RBBP8: variants seen among roughly 807,000 people sequenced by gnomAD.
RBBP8 encodes DNA endonuclease RBBP8.
Under a neutral mutation model 108.3 loss-of-function variants are expected in RBBP8, and 88 were observed. The ratio of observed to expected loss-of-function variants is 0.81; its 90% CI spans 0.68 to 0.97. The LOEUF is 0.97. Ranked by LOEUF, RBBP8 falls within the 50% of genes least tolerant of loss-of-function variation. The pLI, the probability that RBBP8 is intolerant of heterozygous loss-of-function variation, is 0.00. For missense variants in RBBP8, 1,023 were observed against 1,049.0 expected (o/e 0.98, Z 0.34); for synonymous variants, 332 against 348.2 (o/e 0.95, Z 0.52).
intron 14 of RBBP8, 75 bp downstream of exon 14, chr18:22,997,809 T>C (rs1035353588): frequency 1.0e-5 from 10 of 996,224 alleles, no homozygotes; most frequent in Non-Finnish European, 1.6e-5. Context: ...TTGCACTGAT[T>C]AGCTCAAGTG....
chr18:22,998,531 G>C (rs2045896801), intron 14 of RBBP8, among the ~76,000 whole-genome samples: 1 of 152,206 alleles, frequency 6.6e-6, no homozygotes, highest in Admixed American at 6.5e-5. Context: ...ACTATGAACA[G>C]TTGTCATTTA....
chr18:23,007,783 A>C (rs993201749), intron 16 of RBBP8, among the ~76,000 whole-genome samples: 3 of 150,124 alleles, frequency 2.0e-5, no homozygotes, highest in African/African-American at 7.3e-5. Context: ...TTGAATCTTT[A>C]AAAACAAAAC....
chr18:22,971,016 A>G (rs1914034015), intron 5 of RBBP8, among the ~76,000 whole-genome samples: 1 of 152,198 alleles, frequency 6.6e-6, no homozygotes, highest in Admixed American at 6.5e-5. Context: ...TAGAATTTGC[A>G]GGCATTCATC....
chr18:22,994,014 CTTT>C (rs777055614), intron 12 of RBBP8, among the ~76,000 whole-genome samples, 167 bp downstream of exon 12: 2 of 75,102 alleles, frequency 2.7e-5, no homozygotes, highest in Non-Finnish European at 4.5e-5. Context: ...TTTTTCTGTT[CTTT>C]TTTTTTTTTT....
chr18:22,954,041 A>G (rs966262802), intron 4 of RBBP8, among the ~76,000 whole-genome samples: 3 of 152,146 alleles, frequency 2.0e-5, no homozygotes, highest in African/African-American at 7.2e-5. Flanking sequence ...CCATGATTCA[A>G]TTACTTCCCA....
intron 4 of RBBP8, among the ~76,000 whole-genome samples, chr18:22,959,874 T>C (rs1418769409): frequency 6.9e-6 from 1 of 145,612 alleles, no homozygotes. Flanking sequence ...AACTTTCTTT[T>C]TTTTTTTTTT....
chr18:23,011,308 C>T (rs2046155322), intron 16 of RBBP8, among the ~76,000 whole-genome samples: 1 of 152,164 alleles, frequency 6.6e-6, no homozygotes, highest in Admixed American at 6.5e-5. Flanking sequence ...ACAAATCTGT[C>T]AGCGGCATTT....
intron 4 of RBBP8, among the ~76,000 whole-genome samples, chr18:22,955,505 G>A (rs1374861785): frequency 6.6e-6 from 1 of 151,984 alleles, no homozygotes; most frequent in Non-Finnish European, 1.5e-5. Flanking sequence ...CATTTTGCAT[G>A]TGAGGAAACT....
At chr18:22,969,043 A>G (rs948116079) in intron 5 of RBBP8, 125 bp downstream of exon 5, 2 of 737,978 alleles carry the variant, frequency 2.7e-6, no homozygotes, top group South Asian at 3.4e-5. Flanking sequence ...TAAAAGTTCA[A>G]ATGTCCTTTT....
intron 3 of RBBP8, among the ~76,000 whole-genome samples, chr18:22,922,513 A>G (rs976552253): frequency 1.3e-5 from 2 of 152,118 alleles, no homozygotes; most frequent in African/African-American, 4.8e-5. Flanking sequence ...CCCAGGCTGG[A>G]GTGAGGTGGC....
intron 16 of RBBP8, among the ~76,000 whole-genome samples, chr18:23,011,996 A>G (rs2046171865): frequency 6.6e-6 from 1 of 151,858 alleles, no homozygotes; most frequent in African/African-American, 2.4e-5. Context: ...TGATGAGCAA[A>G]TCGAGACCAG....
chr18:23,005,953 G>T (rs2046036346), intron 15 of RBBP8, among the ~76,000 whole-genome samples: 1 of 151,902 alleles, frequency 6.6e-6, no homozygotes, highest in South Asian at 2.1e-4. Context: ...TTGGGAGGCC[G>T]AGGCGGGCGG....
At chr18:22,982,558 T>G (rs1045298981) in intron 7 of RBBP8, among the ~76,000 whole-genome samples, 165 bp downstream of exon 7, 4 of 152,234 alleles carry the variant, frequency 2.6e-5, no homozygotes, top group African/African-American at 4.8e-5. Context: ...AGAAGGCGTT[T>G]TCTGCCCGTG....
chr18:22,977,844 T>C (rs1429661221), intron 6 of RBBP8: 1 of 152,180 alleles, frequency 6.6e-6, no homozygotes, highest in Non-Finnish European at 1.5e-5. Flanking sequence ...TTTTGATACA[T>C]GAAGACAGCT....
intron 3 of RBBP8, among the ~76,000 whole-genome samples, chr18:22,924,076 C>T (rs1379083160): frequency 6.8e-6 from 1 of 147,492 alleles, no homozygotes; most frequent in East Asian, 2.0e-4. Flanking sequence ...TTTTAAAGTA[C>T]TTTTAGTTAC....
chr18:22,991,053 A>C lies in RBBP8; in HGVS notation c.920+4A>C, dbSNP rs761558041. On this transcript the variant is annotated splice_donor_region_variant and intron_variant, in intron 10 of 18. Transcript: ENST00000327155. ...GAAATACTGAAGATAGTTTAAGGTA[A>C]TTAAGGGCACGTTGGTGAAAACTGA... 7 of 1,591,446 alleles carry C rather than the reference A, an allele frequency of 4.4e-6. No individual in the cohort carries two copies. The highest frequency in any genetic ancestry group is 6.0e-6 in the Non-Finnish European group (7 of 1,160,558).
intron 16 of RBBP8, among the ~76,000 whole-genome samples, chr18:23,007,631 G>C (rs1317815625): frequency 1.3e-5 from 2 of 148,524 alleles, no homozygotes; most frequent in African/African-American, 4.9e-5. Context: ...TCGGGAGGTG[G>C]AGCTTGCAGT....
intron 4 of RBBP8, among the ~76,000 whole-genome samples, chr18:22,953,658 C>T (rs1478401460): frequency 6.6e-6 from 1 of 152,022 alleles, no homozygotes; most frequent in African/African-American, 2.4e-5. Flanking sequence ...TTCTCCAGGC[C>T]GTTTCAGAGA....
chr18:22,948,943 A>T (rs1160592633), intron 3 of RBBP8, among the ~76,000 whole-genome samples: 2 of 152,246 alleles, frequency 1.3e-5, no homozygotes, highest in Non-Finnish European at 2.9e-5. Context: ...AAGTAGAAGA[A>T]GATTCTGGTT....
Sources: allele counts gnomAD v4.1 joint callset (sites outside exome capture counted in the v4.1 genomes callset), GRCh38; gene constraint gnomAD v4.1.1; transcripts MANE v1.5; gene names NCBI Gene and HGNC (gene_info 2026-07-23, HGNC 2026-07-21).